Variants in CCDC181 observed in about 807,000 individuals in gnomAD.
CCDC181 encodes coiled-coil domain-containing protein 181.
CCDC181 carries 35 observed loss-of-function variants against 58.7 expected under a neutral mutation model. That is an observed-to-expected ratio of 0.60 (90% CI 0.46 to 0.79). The LOEUF (loss-of-function observed/expected upper bound fraction) is 0.79, where lower values mean the gene tolerates loss of function less well. CCDC181 is among the 30% of genes least tolerant of loss of function. The pLI, the probability that CCDC181 is intolerant of heterozygous loss-of-function variation, is 0.00. For missense variants in CCDC181, 517 were observed against 583.9 expected, an observed-to-expected ratio of 0.89 and a Z score of 1.18; for synonymous variants, 183 against 197.5, an observed-to-expected ratio of 0.93 and a Z score of 0.62.
chr1:169,450,893 T>C (rs1657520139), intron 2 of CCDC181, among the ~76,000 whole-genome samples: 1 of 152,226 alleles, frequency 6.6e-6, no homozygotes, highest in South Asian at 2.1e-4. Flanking sequence ...TGACAAATAC[T>C]GTTAAGAACT....
intron 2 of CCDC181, among the ~76,000 whole-genome samples, chr1:169,449,783 C>T (rs1657482980): frequency 6.6e-6 from 1 of 152,196 alleles, no homozygotes; most frequent in Non-Finnish European, 1.5e-5. Flanking sequence ...GCGATGGCAG[C>T]TGATTAGATT....
In CCDC181 at chr1:169,397,288, T is replaced by C; in HGVS notation, c.1319A>G (p.Glu440Gly). 1.9e-6 allele frequency: 3 copies of C among 1,611,020 alleles called. No homozygotes were observed. The highest frequency in any genetic ancestry group is 2.5e-6 in the Non-Finnish European group (3 of 1,178,682). The change falls in exon 5 of 6, where the codon GAA becomes GGA. Residue 440 changes from glutamate to glycine, a missense_variant. Physicochemically the swap from Glu to Gly is moderately conservative, Grantham distance 98. Coordinates refer to ENST00000367806, the MANE Select transcript of CCDC181 (RefSeq NM_001300969.2). ...RQTEELRKQE[E>G]CLFFLKGTEG... ...TGTTCCTTTAAGGAAGAATAAACAT[T>C]CCTCTTGCTTTCTTAGTTCTTCTGT...
chr1:169,413,385 T>C (rs894539176), intron 4 of CCDC181, among the ~76,000 whole-genome samples: 11 of 152,166 alleles, frequency 7.2e-5, no homozygotes, highest in Non-Finnish European at 1.6e-4. Context: ...CTGGAGAGGA[T>C]GTGGAGAAAT....
chr1:169,405,948 T>G (rs1450833150), intron 4 of CCDC181, among the ~76,000 whole-genome samples: 1 of 115,014 alleles, frequency 8.7e-6, no homozygotes, highest in African/African-American at 3.2e-5. Context: ...GAGCTTAAAT[T>G]TACAAGAAAA....
At chr1:169,407,314 T>C (rs1302467275) in intron 4 of CCDC181, among the ~76,000 whole-genome samples, 1 of 152,048 alleles carries the variant, frequency 6.6e-6, no homozygotes, top group African/African-American at 2.4e-5. Flanking sequence ...AAGGACATTG[T>C]AAAACAATTG....
At chr1:169,448,001 G>T (rs1657428089) in intron 2 of CCDC181, among the ~76,000 whole-genome samples, 1 of 151,772 alleles carries the variant, frequency 6.6e-6, no homozygotes, top group Non-Finnish European at 1.5e-5. Flanking sequence ...TTTGAAAAAA[G>T]TTAGTTGCTC....
Position 169,459,844 on chromosome 1 carries a change from T to A in CCDC181, c.-71A>T, listed in dbSNP as rs1371823831. The A allele has an allele frequency of 1.4e-4, 20 of 142,624 alleles. No homozygotes were observed. The Admixed American group carries it at 1.5e-3, about 11-fold the overall frequency. 8.8% of individuals were successfully genotyped at this position (142,624 alleles called of 1,614,324 possible). Reference sequence around the variant, plus strand: ...GTCAACCCTCCCAGAACATCAGAAGTCTTCCATGGTTTTTGGCATCCTGTG... The same window carrying A: ...GTCAACCCTCCCAGAACATCAGAAGACTTCCATGGTTTTTGGCATCCTGTG... On this transcript the variant is annotated 5_prime_UTR_variant, in exon 2 of 7. Transcript: ENST00000545005.
chr1:169,398,449 T>G (rs1167158662), intron 4 of CCDC181, among the ~76,000 whole-genome samples: 1 of 152,224 alleles, frequency 6.6e-6, no homozygotes, highest in African/African-American at 2.4e-5. Flanking sequence ...TTTTAAAGAT[T>G]CAAGGATTCA....
At position 169,421,729 on chromosome 1, in the gene CCDC181, G is replaced by C. The variant is rs1381379176; in HGVS notation, c.702C>G (p.Ala234=). The C allele has an allele frequency of 1.9e-6, 3 of 1,613,862 alleles. No homozygotes were observed. Among genetic ancestry groups the C allele is most frequent in the Non-Finnish European group, 2.5e-6 (3 of 1,179,994 alleles). The change falls in exon 3 of 6, where the codon GCC becomes GCG. Residue 234 remains alanine, a synonymous_variant. Coordinates refer to ENST00000367806, the MANE Select transcript of CCDC181 (RefSeq NM_001300969.2). ...KFELLNLQDI[A]SQGFLPPINN... ...TAATGGGAGGCAAAAACCCCTGACT[G>C]GCAATGTCTTGTAAATTCAGAAGTT...
At chr1:169,421,336 T>G (rs759323839) in intron 3 of CCDC181, 27 bp downstream of exon 3, 2 of 1,514,004 alleles carry the variant, frequency 1.3e-6, no homozygotes, top group East Asian at 4.5e-5. Context: ...ACTCTACTTT[T>G]AATATAATGC....
At chr1:169,414,129 G>T (rs1420356953) in intron 4 of CCDC181, among the ~76,000 whole-genome samples, 1 of 152,158 alleles carries the variant, frequency 6.6e-6, no homozygotes, top group African/African-American at 2.4e-5. Context: ...TAAAGCCACA[G>T]ATACATTGAA....
chr1:169,427,733 A>G (rs1244780823), upstream of CCDC181, among the ~76,000 whole-genome samples: 1 of 152,252 alleles, frequency 6.6e-6, no homozygotes, highest in Non-Finnish European at 1.5e-5. Flanking sequence ...TATGTGCTTC[A>G]CAGTTAACGT....
chr1:169,442,856 G>A (rs1290087165), intron 2 of CCDC181: 1 of 152,002 alleles, frequency 6.6e-6, no homozygotes, highest in African/African-American at 2.4e-5. Context: ...GTGTCAGGGT[G>A]TGTTCTGGTA....
chr1:169,458,124 C>T (rs966593067), intron 2 of CCDC181, among the ~76,000 whole-genome samples: 2 of 150,890 alleles, frequency 1.3e-5, no homozygotes, highest in Non-Finnish European at 2.9e-5. Flanking sequence ...CTAGTGGCTA[C>T]CATATTGAAA....
chr1:169,460,397 G>C (rs983194338), exon 1 of CCDC181: 5 of 152,298 alleles, frequency 3.3e-5, no homozygotes, highest in African/African-American at 1.2e-4. Context: ...CTAGTCTTGA[G>C]AGCCTCTTCC....
chr1:169,422,146 T>C lies in CCDC181; in HGVS notation c.285A>G (p.Ile95Met), dbSNP rs1442919134. 3 of 1,613,606 alleles carry C rather than the reference T, an allele frequency of 1.9e-6. No individual in the cohort carries two copies. The highest frequency in any genetic ancestry group is 2.5e-6 in the Non-Finnish European group (3 of 1,179,778). The change falls in exon 3 of 6, where the codon ATA (isoleucine) becomes ATG (methionine). Residue 95 changes from isoleucine (I) to methionine (M), a missense_variant. Ile to Met is a conservative substitution (Grantham distance 10). Transcript: ENST00000367806. Reference protein sequence around the residue: ...SVPGIQPLDPISDSDSENSFQ... With the variant: ...SVPGIQPLDPMSDSDSENSFQ... ...AAGAGTTTTCACTATCTGAATCTGA[T>C]ATGGGATCCAAAGGTTGAATACCTG...
At chr1:169,405,823 G>T (rs1188379593) in intron 4 of CCDC181, among the ~76,000 whole-genome samples, 1 of 152,162 alleles carries the variant, frequency 6.6e-6, no homozygotes, top group Admixed American at 6.5e-5. Flanking sequence ...TTAAAATAAA[G>T]AGCTTCTGCA....
chr1:169,435,905 G>A (rs904971598), intron 2 of CCDC181, among the ~76,000 whole-genome samples: 1 of 152,110 alleles, frequency 6.6e-6, no homozygotes, highest in Non-Finnish European at 1.5e-5. Context: ...ATATAACTGA[G>A]CATTAAAGGT....
chr1:169,457,169 ATCT>A (rs1259053436), intron 2 of CCDC181, among the ~76,000 whole-genome samples: 1 of 151,896 alleles, frequency 6.6e-6, no homozygotes. Context: ...TGCTTTTATG[ATCT>A]TCTCCTTGTC....
Sources: gnomAD v4.1 joint callset for allele counts (sites outside exome capture counted in the v4.1 genomes callset) on GRCh38, gnomAD v4.1.1 for gene constraint, MANE v1.5 for transcripts, NCBI Gene and HGNC (gene_info 2026-07-23, HGNC 2026-07-21) for gene names.